Variants in GARNL3 observed in about 807,000 individuals in gnomAD.
GARNL3 encodes the protein GTPase-activating Rap/Ran-GAP domain-like protein 3.
Under a neutral mutation model 125.0 loss-of-function variants are expected in GARNL3, and 63 were observed. The ratio of observed to expected loss-of-function variants is 0.50; its 90% CI spans 0.41 to 0.62. The LOEUF (loss-of-function observed/expected upper bound fraction) is 0.62. Among genes scored for constraint, GARNL3 ranks in the 20% least tolerant of loss-of-function variants. GARNL3 has a pLI of 0.00. For missense variants in GARNL3, 994 were observed against 1,244.0 expected, an observed-to-expected ratio of 0.80 and a Z score of 3.02; for synonymous variants, 439 against 457.5, an observed-to-expected ratio of 0.96 and a Z score of 0.52.
chr9:127,293,489 T>C (rs1000455776), intron 2 of GARNL3, among the ~76,000 whole-genome samples: 1 of 152,228 alleles, frequency 6.6e-6, no homozygotes, highest in Non-Finnish European at 1.5e-5. Context: ...CTGTTTTTTT[T>C]CTTTCATTGC....
intron 1 of GARNL3, among the ~76,000 whole-genome samples, chr9:127,231,048 A>AT (rs1437296463): frequency 9.6e-4 from 42 of 43,674 alleles, no homozygotes; most frequent in South Asian, 2.1e-3. Flanking sequence ...ATATATATAT[A>AT]TATTTTTTTT....
At chr9:127,355,694 A>G (rs559700647) in intron 20 of GARNL3, among the ~76,000 whole-genome samples, 3 of 152,238 alleles carry the variant, frequency 2.0e-5, no homozygotes, top group Admixed American at 6.5e-5. Context: ...CGAAGGACAC[A>G]GCGATGACCA....
intron 13 of GARNL3, among the ~76,000 whole-genome samples, chr9:127,341,875 G>A (rs1375642965): frequency 6.6e-6 from 1 of 152,146 alleles, no homozygotes; most frequent in Non-Finnish European, 1.5e-5. Context: ...TGAGGAGATG[G>A]AGTGTGGGGC....
intron 2 of GARNL3, among the ~76,000 whole-genome samples, chr9:127,253,236 C>T (rs1459659577): frequency 2.0e-5 from 3 of 152,072 alleles, no homozygotes; most frequent in African/African-American, 7.2e-5. Flanking sequence ...TATAGCTGGC[C>T]TCACCCTCCC....
chr9:127,349,142 C>A, intron 17 of GARNL3, 107 bp downstream of exon 17: 1 of 771,944 alleles, frequency 1.3e-6, no homozygotes, highest in Non-Finnish European at 2.3e-6. Flanking sequence ...GTGTGATCTG[C>A]AGAGAGTTTA....
intron 10 of GARNL3, among the ~76,000 whole-genome samples, 182 bp downstream of exon 10, chr9:127,335,515 C>T (rs910376940): frequency 1.3e-5 from 2 of 152,190 alleles, no homozygotes; most frequent in African/African-American, 4.8e-5. Context: ...GCTATTCTCA[C>T]TGGTGCTGTC....
intron 1 of GARNL3, among the ~76,000 whole-genome samples, chr9:127,231,232 T>A (rs1401346246): frequency 9.0e-5 from 12 of 133,940 alleles, no homozygotes; most frequent in African/African-American, 3.4e-4. Context: ...TTTTTTGTTT[T>A]TTTTTTTTTT....
In GARNL3 at chr9:127,377,792, C is replaced by CAAAA. The variant is rs56965235; in HGVS notation, c.2162-5628_2162-5625dup. ...TGGGCAAAAGAACCAGACTCCGTCTCAAAAAAAAAAAAAAAAAAAAATGCA... is the reference window on the plus strand; with the variant it reads ...TGGGCAAAAGAACCAGACTCCGTCTCAAAAAAAAAAAAAAAAAAAAAAAAATGCA... On this transcript the variant is annotated intron_variant, in intron 22 of 27. Transcript: ENST00000373387. 2.9e-3 allele frequency among the ~76,000 whole-genome samples: 197 copies of CAAAA among 67,472 alleles called. 1 individual carries two copies. The highest frequency in any genetic ancestry group is 9.9e-3 in the African/African-American group (186 of 18,768). The allele number at this position is 67,472 out of a possible 152,430, so 44.3% of individuals were successfully genotyped here. A position where few individuals can be genotyped will look rare whatever the true frequency, so the allele number is the denominator to read the frequency against.
chr9:127,259,973 C>G (rs1331702728), upstream of GARNL3, among the ~76,000 whole-genome samples: 3 of 152,198 alleles, frequency 2.0e-5, no homozygotes. Flanking sequence ...TTCAAGCCTG[C>G]AGTGAGCTAT....
intron 3 of GARNL3, among the ~76,000 whole-genome samples, chr9:127,312,359 T>C (rs1448909257): frequency 3.3e-5 from 5 of 152,206 alleles, no homozygotes; most frequent in African/African-American, 4.8e-5. Flanking sequence ...CAGTTTTCCT[T>C]TCTGTAAAGT....
intron 5 of GARNL3, among the ~76,000 whole-genome samples, chr9:127,319,489 T>TA (rs936376260): frequency 2.3e-4 from 34 of 145,478 alleles, no homozygotes; most frequent in South Asian, 8.7e-4. Context: ...CTCAAAAAAA[T>TA]AAAAAAAAAA....
intron 17 of GARNL3, among the ~76,000 whole-genome samples, chr9:127,351,935 C>G (rs1830442133): frequency 6.6e-6 from 1 of 152,206 alleles, no homozygotes; most frequent in Non-Finnish European, 1.5e-5. Flanking sequence ...CCTCCTCCTC[C>G]TTCTTGTGTT....
chr9:127,231,798 A>G (rs1270371890), intron 1 of GARNL3, among the ~76,000 whole-genome samples: 1 of 152,182 alleles, frequency 6.6e-6, no homozygotes, highest in Non-Finnish European at 1.5e-5. Context: ...ACAGTTCTCA[A>G]ACAGAGCATA....
intron 1 of GARNL3, among the ~76,000 whole-genome samples, chr9:127,275,953 G>T (rs1191919008): frequency 6.6e-6 from 1 of 152,048 alleles, no homozygotes; most frequent in African/African-American, 2.4e-5. Context: ...ATTACTTTGG[G>T]AGTACATTTC....
At chr9:127,315,562 G>T (rs1345921182) in intron 4 of GARNL3, among the ~76,000 whole-genome samples, 1 of 151,932 alleles carries the variant, frequency 6.6e-6, no homozygotes, top group African/African-American at 2.4e-5. Flanking sequence ...GATGGCTTGA[G>T]TCCAGGAGTT....
rs1476044021 is a variant in GARNL3 at position 127,385,993 on chromosome 9, C to T, written c.2388+848C>T. ...TGCATGTATGTATCATATGCGTGTA[C>T]ATTAGTTGATTGTAAATAGCTTACA... On this transcript the variant is annotated intron_variant, in intron 24 of 27. Coordinates refer to ENST00000373387, the MANE Select transcript of GARNL3 (RefSeq NM_032293.5). The surrounding 1 kb of genome is among the most constrained non-coding windows in gnomAD (Gnocchi z 4.1). 6.6e-6 allele frequency among the ~76,000 whole-genome samples: 1 copy of T among 152,228 alleles called. No homozygotes were observed. The highest frequency in any genetic ancestry group is 6.5e-5 in the Admixed American group (1 of 15,282).
chr9:127,306,793 A>G (rs2131442815), intron 2 of GARNL3, among the ~76,000 whole-genome samples: 1 of 152,038 alleles, frequency 6.6e-6, no homozygotes, highest in Admixed American at 6.5e-5. Context: ...AGGCTGAGGT[A>G]GTAGAATTGT....
intron 7 of GARNL3, 40 bp from the exon 8 acceptor site, chr9:127,332,234 T>A (rs371157908): frequency 6.9e-7 from 1 of 1,459,204 alleles, no homozygotes; most frequent in African/African-American, 1.4e-5. Context: ...TACGCTGTGA[T>A]GATAAAATTA....
rs1829663280 is a variant in GARNL3 at position 127,338,268 on chromosome 9, A to G, written c.1028+107A>G. 5 of 904,964 alleles carry G rather than the reference A, an allele frequency of 5.5e-6. No homozygotes were observed. In the East Asian group the frequency reaches 1.2e-4, roughly 22 times the overall value. 56.1% of individuals were successfully genotyped at this position (904,964 alleles called of 1,614,324 possible). On this transcript the variant is annotated intron_variant, in intron 12 of 27. Coordinates refer to ENST00000373387, the MANE Select transcript of GARNL3 (RefSeq NM_032293.5). ...ATACATATTTCTTGATTGATTTAAT[A>G]TGAGTGCCTGCACCTTACAAAACTT... is the stretch of plus-strand genomic sequence containing the variant.
Sources: allele counts gnomAD v4.1 joint callset (sites outside exome capture counted in the v4.1 genomes callset), GRCh38; gene constraint gnomAD v4.1.1; non-coding constraint Gnocchi (gnomAD v3.1); transcripts MANE v1.5; gene names NCBI Gene and HGNC (gene_info 2026-07-23, HGNC 2026-07-21).